Variants in CERS6 observed in about 807,000 individuals in gnomAD.
The protein encoded by CERS6 is ceramide synthase 6.
In CERS6, 26 loss-of-function variants were observed where a neutral mutation model predicts 56.8. That is an observed-to-expected ratio of 0.46 (90% CI 0.34 to 0.63). The LOEUF is 0.63. CERS6 is among the 30% of genes least tolerant of loss of function. The pLI is 0.01. For missense variants in CERS6, 415 were observed against 467.5 expected, an observed-to-expected ratio of 0.89 and a Z score of 1.04; for synonymous variants, 164 against 173.3, an observed-to-expected ratio of 0.95 and a Z score of 0.42.
intron 1 of CERS6, among the ~76,000 whole-genome samples, chr2:168,516,679 T>A (rs1027475055): frequency 6.6e-6 from 1 of 152,186 alleles, no homozygotes; most frequent in Non-Finnish European, 1.5e-5. Flanking sequence ...AATATTCCCA[T>A]ATTAGAAATA....
At chr2:168,667,556 GTT>G (rs561698401) in intron 4 of CERS6, among the ~76,000 whole-genome samples, 10,355 of 152,112 alleles carry the variant, frequency 0.068, 429 homozygotes, top group Non-Finnish European at 0.092. Context: ...CTCTGCTTCT[GTT>G]GGCTATTAGG....
chr2:168,618,252 A>G (rs1243243786), intron 3 of CERS6, among the ~76,000 whole-genome samples: 2 of 152,228 alleles, frequency 1.3e-5, no homozygotes, highest in Admixed American at 6.5e-5. Flanking sequence ...AAAGCCATCT[A>G]TGATAAACCC....
At chr2:168,687,885 G>T (rs921596999) in intron 4 of CERS6, among the ~76,000 whole-genome samples, 7 of 152,058 alleles carry the variant, frequency 4.6e-5, no homozygotes, top group African/African-American at 1.4e-4. Flanking sequence ...CATATTATTT[G>T]TAGAGATGAG....
At chr2:168,635,964 G>A (rs1684851653) in intron 4 of CERS6, among the ~76,000 whole-genome samples, 1 of 152,014 alleles carries the variant, frequency 6.6e-6, no homozygotes. Context: ...TGCCTATTTT[G>A]AGACTGAAAA....
chr2:168,489,483 T>G (rs1245751384), intron 1 of CERS6, among the ~76,000 whole-genome samples: 1 of 151,812 alleles, frequency 6.6e-6, no homozygotes, highest in Non-Finnish European at 1.5e-5. Context: ...TTTTTTTTTT[T>G]TTTTTCTGGA....
intron 1 of CERS6, among the ~76,000 whole-genome samples, chr2:168,542,535 G>A (rs1695391453): frequency 6.6e-6 from 1 of 152,178 alleles, no homozygotes; most frequent in African/African-American, 2.4e-5. Flanking sequence ...AAGTGTTACA[G>A]TTTGAAAGGA....
intron 4 of CERS6, among the ~76,000 whole-genome samples, chr2:168,635,064 C>T (rs994305721): frequency 1.3e-5 from 2 of 152,150 alleles, no homozygotes; most frequent in African/African-American, 4.8e-5. Context: ...TAATTTACCT[C>T]GAGTGTAAGC....
chr2:168,672,032 T>C (rs1685931659), intron 4 of CERS6, among the ~76,000 whole-genome samples: 1 of 152,362 alleles, frequency 6.6e-6, no homozygotes, highest in Middle Eastern at 3.4e-3. Flanking sequence ...TCAAAGTTGA[T>C]GGAACAGTGT....
chr2:168,651,985 T>C (rs1186895527), intron 4 of CERS6, among the ~76,000 whole-genome samples: 8 of 152,130 alleles, frequency 5.3e-5, no homozygotes, highest in Non-Finnish European at 1.5e-5. Context: ...GTGTTATTGT[T>C]TACAAATCTC....
At chr2:168,692,641 C>A (rs1046016468) in intron 5 of CERS6, among the ~76,000 whole-genome samples, 11 of 152,076 alleles carry the variant, frequency 7.2e-5, no homozygotes, top group African/African-American at 2.7e-4. Flanking sequence ...AGATTGTCTT[C>A]TGTATGATTC....
chr2:168,589,616 A>C (rs973658545), intron 3 of CERS6, among the ~76,000 whole-genome samples: 1 of 152,144 alleles, frequency 6.6e-6, no homozygotes, highest in African/African-American at 2.4e-5. Flanking sequence ...TGTTGGGTGT[A>C]TTTCTAGTTT....
intron 4 of CERS6, among the ~76,000 whole-genome samples, chr2:168,635,202 C>T (rs957495025): frequency 2.0e-5 from 3 of 152,096 alleles, no homozygotes; most frequent in African/African-American, 7.2e-5. Context: ...AAGGGGATTA[C>T]AGAACATAGA....
chr2:168,597,619 A>C (rs1369329351), intron 3 of CERS6, among the ~76,000 whole-genome samples: 1 of 152,198 alleles, frequency 6.6e-6, no homozygotes, highest in African/African-American at 2.4e-5. Context: ...GCCCTTAGCT[A>C]TAAGACACAT....
chr2:168,768,263 C>T (rs868535376), intron 9 of CERS6, among the ~76,000 whole-genome samples: 2 of 150,772 alleles, frequency 1.3e-5, no homozygotes, highest in Middle Eastern at 3.5e-3. Context: ...GACAGTTTCA[C>T]TCATTGCTCT....
At chr2:168,698,255 G>GAAAAAA (rs869056813) in intron 6 of CERS6, among the ~76,000 whole-genome samples, 3 of 17,946 alleles carry the variant, frequency 1.7e-4, no homozygotes, top group Non-Finnish European at 5.9e-4. Context: ...AAAAAAAAAA[G>GAAAAAA]AAAAAAAAAA....
chr2:168,507,983 A>G (rs1204606200), intron 1 of CERS6, among the ~76,000 whole-genome samples: 1 of 152,214 alleles, frequency 6.6e-6, no homozygotes, highest in Middle Eastern at 3.2e-3. Flanking sequence ...TATGGGAGTC[A>G]TGCCATCTAT....
chr2:168,513,591 G>A (rs1694833689), intron 1 of CERS6, among the ~76,000 whole-genome samples: 1 of 152,122 alleles, frequency 6.6e-6, no homozygotes, highest in South Asian at 2.1e-4. Context: ...GAGGTGACAT[G>A]CCATTCTCAC....
chr2:168,522,226 A>G (rs1694995812), intron 1 of CERS6, among the ~76,000 whole-genome samples: 1 of 152,220 alleles, frequency 6.6e-6, no homozygotes, highest in Non-Finnish European at 1.5e-5. Context: ...GGATCTGTGT[A>G]GTAGGCACAG....
intron 6 of CERS6, among the ~76,000 whole-genome samples, chr2:168,708,243 G>C (rs1329209961): frequency 2.6e-5 from 4 of 152,076 alleles, no homozygotes; most frequent in African/African-American, 9.7e-5. Context: ...AATGGAGATG[G>C]AGACTGAGTA....
Sources: gnomAD v4.1 joint callset for allele counts (sites outside exome capture counted in the v4.1 genomes callset) on GRCh38, gnomAD v4.1.1 for gene constraint, MANE v1.5 for transcripts, NCBI Gene and HGNC (gene_info 2026-07-23, HGNC 2026-07-21) for gene names.